The following RALGAPA2 variants were observed in gnomAD, a reference collection of about 807,000 sequenced individuals.
The protein encoded by RALGAPA2 is ral GTPase-activating protein subunit alpha-2.
RALGAPA2 carries 139 observed loss-of-function variants against 230.4 expected under a neutral mutation model. The ratio of observed to expected loss-of-function variants is 0.60; its 90% CI spans 0.53 to 0.69. The LOEUF is 0.69. Among genes scored for constraint, RALGAPA2 ranks in the 30% least tolerant of loss-of-function variants. RALGAPA2 has a pLI of 0.00. For synonymous variants in RALGAPA2, 847 were observed against 837.8 expected (o/e 1.01, Z -0.19); for missense variants, 2,163 against 2,276.0 (o/e 0.95, Z 1.01).
intron 23 of RALGAPA2, among the ~76,000 whole-genome samples, chr20:20,553,692 G>A (rs2063996319): frequency 6.6e-6 from 1 of 152,218 alleles, no homozygotes; most frequent in African/African-American, 2.4e-5. Context: ...GGCCACAGGA[G>A]CTGTTCTGAG....
intron 35 of RALGAPA2, among the ~76,000 whole-genome samples, chr20:20,500,604 C>T (rs1334458115): frequency 6.6e-6 from 1 of 152,168 alleles, no homozygotes; most frequent in Non-Finnish European, 1.5e-5. Context: ...TCACTGAAGT[C>T]TTGAATCTTT....
intron 11 of RALGAPA2, among the ~76,000 whole-genome samples, chr20:20,620,034 G>C (rs569720086): frequency 6.6e-6 from 1 of 152,290 alleles, no homozygotes; most frequent in African/African-American, 2.4e-5. Context: ...TTTCACAGGG[G>C]TAACACCCAG....
At chr20:20,446,836 G>C (rs1455387937) in intron 37 of RALGAPA2, among the ~76,000 whole-genome samples, 1 of 152,150 alleles carries the variant, frequency 6.6e-6, no homozygotes. Flanking sequence ...ACAAGTCACC[G>C]AGCCTCTTTG....
intron 24 of RALGAPA2, among the ~76,000 whole-genome samples, chr20:20,544,035 T>G (rs1437216760): frequency 6.6e-6 from 1 of 151,578 alleles, no homozygotes; most frequent in African/African-American, 2.4e-5. Context: ...AACAAACATA[T>G]GAAAAAAAGC....
At chr20:20,564,829 A>C (rs916628745) in intron 23 of RALGAPA2, among the ~76,000 whole-genome samples, 1 of 152,238 alleles carries the variant, frequency 6.6e-6, no homozygotes, top group East Asian at 1.9e-4. Flanking sequence ...AAGCCATCTT[A>C]TATCCTGAAT....
chr20:20,609,335 C>T (rs1031924175), intron 14 of RALGAPA2, among the ~76,000 whole-genome samples: 9 of 152,258 alleles, frequency 5.9e-5, no homozygotes, highest in Admixed American at 5.2e-4. Flanking sequence ...CCTTCTCGAT[C>T]TACCTAACCA....
At chr20:20,698,575 A>G (rs2069217878) in intron 1 of RALGAPA2, among the ~76,000 whole-genome samples, 1 of 152,006 alleles carries the variant, frequency 6.6e-6, no homozygotes, top group Non-Finnish European at 1.5e-5. Context: ...TTTTTAGTAG[A>G]GTATTTTGTA....
chr20:20,624,407 G>A (rs2066426488), intron 10 of RALGAPA2, among the ~76,000 whole-genome samples: 2 of 150,812 alleles, frequency 1.3e-5, no homozygotes, highest in Non-Finnish European at 2.9e-5. Flanking sequence ...AAGCGTTCCA[G>A]GACATCTTCC....
intron 23 of RALGAPA2, among the ~76,000 whole-genome samples, chr20:20,560,150 G>A (rs901781817): frequency 1.8e-4 from 28 of 152,060 alleles, no homozygotes; most frequent in African/African-American, 6.5e-4. Context: ...CTTGCATGAT[G>A]GGGACAGCAG....
chr20:20,632,324 C>A (rs1273443280), intron 9 of RALGAPA2, among the ~76,000 whole-genome samples: 1 of 152,082 alleles, frequency 6.6e-6, no homozygotes, highest in Non-Finnish European at 1.5e-5. Flanking sequence ...GCCACCGTGC[C>A]CGGCCCCTAA....
At chr20:20,615,342 AG>A (rs2066105289) in intron 13 of RALGAPA2, among the ~76,000 whole-genome samples, 2 of 151,990 alleles carry the variant, frequency 1.3e-5, no homozygotes, top group Admixed American at 1.3e-4. Context: ...TTGTATTTTT[AG>A]TAGAGATGGG....
At chr20:20,629,267 G>T (rs1175135547) in intron 10 of RALGAPA2, 96 bp downstream of exon 10, 2 of 968,124 alleles carry the variant, frequency 2.1e-6, no homozygotes, top group Non-Finnish European at 3.2e-6. Context: ...ATTTGTTGGC[G>T]TGTTACAAGT....
intron 35 of RALGAPA2, among the ~76,000 whole-genome samples, chr20:20,497,255 C>A (rs1241125103): frequency 1.3e-5 from 2 of 152,162 alleles, no homozygotes; most frequent in Non-Finnish European, 2.9e-5. Context: ...CATTACAATA[C>A]ACTCCTAAAA....
chr20:20,396,820 A>G, intron 38 of RALGAPA2, 86 bp from the exon 39 acceptor site: 1 of 1,152,318 alleles, frequency 8.7e-7, no homozygotes, highest in Non-Finnish European at 1.3e-6. Context: ...TGCTAATAAT[A>G]CATTTATCCC....
intron 39 of RALGAPA2, among the ~76,000 whole-genome samples, chr20:20,396,431 C>T (rs1353910314): frequency 6.6e-6 from 1 of 152,266 alleles, no homozygotes; most frequent in Non-Finnish European, 1.5e-5. Context: ...AAAGGGCAGG[C>T]GACAAAGACA....
chr20:20,605,666 C>G (rs2146242498), intron 14 of RALGAPA2, among the ~76,000 whole-genome samples: 1 of 152,226 alleles, frequency 6.6e-6, no homozygotes, highest in Middle Eastern at 3.4e-3. Context: ...CTGGCCCTGG[C>G]TATAATCAGA....
At chr20:20,414,578 G>A (rs1251073635) in intron 37 of RALGAPA2, among the ~76,000 whole-genome samples, 1 of 152,016 alleles carries the variant, frequency 6.6e-6, no homozygotes, top group Middle Eastern at 3.2e-3. Context: ...GCTTGTTCTT[G>A]TCATAAGCTT....
chr20:20,523,048 A>T (rs2145466490), intron 30 of RALGAPA2, among the ~76,000 whole-genome samples: 2 of 152,186 alleles, frequency 1.3e-5, no homozygotes, highest in Non-Finnish European at 2.9e-5. Context: ...TTTTTTTTTA[A>T]AGTAATACTT....
chr20:20,611,936 G>C (rs1157276664), intron 13 of RALGAPA2, among the ~76,000 whole-genome samples: 2 of 152,154 alleles, frequency 1.3e-5, no homozygotes, highest in Non-Finnish European at 2.9e-5. Context: ...GGCAGGAGGG[G>C]TTTGCATTAC....
Sources: allele counts gnomAD v4.1 joint callset (sites outside exome capture counted in the v4.1 genomes callset), GRCh38; gene constraint gnomAD v4.1.1; transcripts MANE v1.5; gene names NCBI Gene and HGNC (gene_info 2026-07-23, HGNC 2026-07-21).